Variants in KDM2B observed in about 807,000 individuals in gnomAD.
KDM2B encodes lysine-specific demethylase 2B.
A neutral mutation model predicts 150.0 loss-of-function variants in KDM2B; 26 were observed. The observed-to-expected ratio is 0.17, with a 90% CI of 0.13 to 0.24. The LOEUF (loss-of-function observed/expected upper bound fraction) is 0.24, where lower values mean the gene tolerates loss of function less well. Among genes scored for constraint, KDM2B ranks in the 10% least tolerant of loss-of-function variants. The pLI is 1.00. For missense variants in KDM2B, 1,265 were observed against 1,816.9 expected (o/e 0.70, Z 5.52); for synonymous variants, 734 against 729.5 (o/e 1.01, Z -0.10).
rs377623092 is a variant in KDM2B, at chr12:121,507,179, ACATGGGAGACCC to A, written c.1647+2376_1647+2387del. 3.1e-3 allele frequency among the ~76,000 whole-genome samples: 477 copies of A among 151,818 alleles called. 6 individuals are homozygous for A. The highest frequency in any genetic ancestry group is 0.011 in the African/African-American group (457 of 41,378). ...TTATACAAAAAAGACAGCGTGGGCAACATGGGAGACCCCATCTCTACAAAAATTACAAAAAAA... is the reference window on the plus strand; with the variant it reads ...TTATACAAAAAAGACAGCGTGGGCAACATCTCTACAAAAATTACAAAAAAA... On this transcript the variant is annotated intron_variant, in intron 11 of 22. Coordinates refer to ENST00000377071, the MANE Select transcript of KDM2B (RefSeq NM_032590.5).
upstream of KDM2B, among the ~76,000 whole-genome samples, chr12:121,581,997 G>C (rs80051852): frequency 4.9e-3 from 748 of 152,320 alleles, 8 homozygotes; most frequent in African/African-American, 0.017. Context: ...CTTTTAAGCA[G>C]GGATGAGGCT....
intron 6 of KDM2B, among the ~76,000 whole-genome samples, chr12:121,542,923 A>G (rs534393992): frequency 3.6e-4 from 55 of 152,364 alleles, no homozygotes; most frequent in Admixed American, 5.2e-4. Context: ...TACTACATAG[A>G]ATCATGTCTT....
rs1356387331 is a variant in KDM2B at position 121,521,165 on chromosome 12, G to A, written c.932-65C>T. 1 of 1,136,362 alleles carries A rather than the reference G, an allele frequency of 8.8e-7. No homozygotes were observed. The highest frequency in any genetic ancestry group is 1.2e-5 in the South Asian group (1 of 80,330). 70.4% of individuals were successfully genotyped at this position (1,136,362 alleles called of 1,614,324 possible). A position where few individuals can be genotyped will look rare whatever the true frequency, so the allele number is the denominator to read the frequency against. On this transcript the variant is annotated intron_variant, in intron 8 of 22. Coordinates refer to ENST00000377071, the MANE Select transcript of KDM2B (RefSeq NM_032590.5). The surrounding 1 kb of genome is among the most constrained non-coding windows in gnomAD (Gnocchi z 4.9). ...CCTGTGGGCTCCCACACCTCACAAG[G>A]CTGCAGGGAGGGAGAGCGAGCGTGC... is the stretch of plus-strand genomic sequence containing the variant.
At chr12:121,487,330 C>T (rs1555299078) in intron 12 of KDM2B, among the ~76,000 whole-genome samples, 1 of 152,062 alleles carries the variant, frequency 6.6e-6, no homozygotes, top group African/African-American at 2.4e-5. Context: ...TATGGACCTC[C>T]CAAGAATCTG....
intron 12 of KDM2B, among the ~76,000 whole-genome samples, chr12:121,460,200 T>C (rs547482511): frequency 6.6e-6 from 1 of 152,356 alleles, no homozygotes; most frequent in Non-Finnish European, 1.5e-5. Flanking sequence ...TGCTAAGTGC[T>C]AGAACTACAG....
chr12:121,435,159 C>T (rs2137636709), intron 22 of KDM2B, among the ~76,000 whole-genome samples: 1 of 152,028 alleles, frequency 6.6e-6, no homozygotes, highest in South Asian at 2.1e-4. Flanking sequence ...CATAGCGAGA[C>T]CCTGTCTCTA....
At chr12:121,524,203 A>G (rs1400412516) in intron 8 of KDM2B, among the ~76,000 whole-genome samples, 3 of 151,632 alleles carry the variant, frequency 2.0e-5, no homozygotes, top group Non-Finnish European at 4.4e-5. Flanking sequence ...TGTCCCCTCC[A>G]CTCCCCTCCC....
rs191865414 is a variant in KDM2B at position 121,520,873 on chromosome 12, G to C, written c.1047+112C>G. On this transcript the variant is annotated intron_variant, in intron 9 of 22. Coordinates refer to ENST00000377071, the MANE Select transcript of KDM2B (RefSeq NM_032590.5). The surrounding 1 kb of genome is among the most constrained non-coding windows in gnomAD (Gnocchi z 4.5). The stretch of plus-strand genomic sequence containing the variant: ...CTGAAGCCAGCTTGAGAGAGGAATC[G>C]GGAGGGAGAGGGGAACTGTGGAGGA... The C allele has an allele frequency of 3.0e-5, 20 of 662,642 alleles. No individual in the cohort carries two copies. The highest frequency in any genetic ancestry group is 2.5e-4 in the East Asian group (8 of 31,406). The allele number at this position is 662,642 out of a possible 1,614,324, so 41.0% of individuals were successfully genotyped here.
rs897110031 is a variant in KDM2B at position 121,537,636 on chromosome 12, C to A, written c.684-3046G>T. On this transcript the variant is annotated intron_variant, in intron 6 of 22. Transcript: ENST00000377071. This position sits in a 1 kb window ranked among gnomAD's most constrained non-coding sequence, Gnocchi z 8.7. Reference sequence around the variant, plus strand: ...CCTGGGGGCTGCGGAGGCGGGGCGGCCCCGCCCCACCTTTTTCCCTCCAAC... The same window carrying A: ...CCTGGGGGCTGCGGAGGCGGGGCGGACCCGCCCCACCTTTTTCCCTCCAAC... 3.0e-4 allele frequency: 46 copies of A among 151,368 alleles called. No homozygotes were observed. The highest frequency in any genetic ancestry group is 1.1e-3 in the African/African-American group (45 of 41,258). 9.4% of individuals were successfully genotyped at this position (151,368 alleles called of 1,614,324 possible).
At position 121,518,590 on chromosome 12, in the gene KDM2B, C is replaced by T. The variant is rs1555305404; in HGVS notation, c.1047+2395G>A. Among the ~76,000 whole-genome samples, 1 of 152,094 alleles carries T rather than the reference C, an allele frequency of 6.6e-6. No individual in the cohort carries two copies. The highest frequency in any genetic ancestry group is 2.1e-4 in the South Asian group (1 of 4,824). ...AAGCTCAGTGTGATGCTCAGGGGTC[C>T]GGCCAGCACCCTGCCAGTCGTCATG... On this transcript the variant is annotated intron_variant, in intron 9 of 22. Transcript: ENST00000377071. The surrounding 1 kb of genome is among the most constrained non-coding windows in gnomAD (Gnocchi z 4.4).
chr12:121,534,610 A>T lies in KDM2B; in HGVS notation c.684-20T>A. 1 of 1,577,312 alleles carries T rather than the reference A, an allele frequency of 6.3e-7. No homozygotes were observed. On this transcript the variant is annotated intron_variant, in intron 6 of 22. Coordinates refer to ENST00000377071, the MANE Select transcript of KDM2B (RefSeq NM_032590.5). ...CAGTACCTGCAACACAGAGGCAGGG[A>T]GACAGAACACAAGTCAAGATCTAAA...
At chr12:121,478,844 C>T (rs1881701665) in intron 12 of KDM2B, among the ~76,000 whole-genome samples, 1 of 77,226 alleles carries the variant, frequency 1.3e-5, no homozygotes, top group African/African-American at 5.0e-5. Context: ...CGTACCACCA[C>T]AACCGGCTAA....
At chr12:121,514,273 G>A (rs1049195512) in intron 9 of KDM2B, among the ~76,000 whole-genome samples, 1 of 152,060 alleles carries the variant, frequency 6.6e-6, no homozygotes, top group Admixed American at 6.5e-5. Context: ...GCACCACCAC[G>A]CCTGGCTGGG....
chr12:121,484,725 G>A (rs1378626878), intron 12 of KDM2B, among the ~76,000 whole-genome samples: 1 of 152,102 alleles, frequency 6.6e-6, no homozygotes, highest in Non-Finnish European at 1.5e-5. Flanking sequence ...GGCTGAGGTG[G>A]GAGGATCCCT....
chr12:121,573,812 C>T (rs896320584), intron 4 of KDM2B, among the ~76,000 whole-genome samples: 4 of 151,794 alleles, frequency 2.6e-5, no homozygotes, highest in Admixed American at 6.6e-5. Context: ...TGGTCTCGAT[C>T]TCCTGACCTC....
chr12:121,414,271 CATT>C, the KDM2B span, among the ~76,000 whole-genome samples: 1 of 152,260 alleles, frequency 6.6e-6, no homozygotes, highest in Non-Finnish European at 1.5e-5. Context: ...TTACCTATCA[CATT>C]ATCTAGATTC....
rs1288291937 is a variant in KDM2B, at chr12:121,496,859, A to C, written c.1648-2194T>G. ...GTGAGCCCCCCAAAGTGCTGGGATT[A>C]TAGGTGTGAGCCCCCCAAAGTGCTG... is the stretch of plus-strand genomic sequence containing the variant. On this transcript the variant is annotated intron_variant, in intron 11 of 22. Transcript: ENST00000377071. Among the ~76,000 whole-genome samples the C allele has an allele frequency of 2.1e-5, 3 of 142,336 alleles. No individual in the cohort carries two copies. In the South Asian group the frequency reaches 7.0e-4, roughly 33 times the overall value. 93.4% of individuals were successfully genotyped at this position (142,336 alleles called of 152,430 possible).
chr12:121,527,246 C>T (rs1256908954), intron 8 of KDM2B, among the ~76,000 whole-genome samples: 65 of 145,688 alleles, frequency 4.5e-4, no homozygotes, highest in African/African-American at 1.5e-3. Context: ...TTAGTAGAGA[C>T]GGGGTTTCAC....
intron 4 of KDM2B, among the ~76,000 whole-genome samples, chr12:121,572,157 C>T (rs553456369): frequency 5.9e-5 from 9 of 152,188 alleles, no homozygotes; most frequent in South Asian, 4.2e-4. Flanking sequence ...ATAATCACGC[C>T]GCTGCACTCT....
Sources: allele counts gnomAD v4.1 joint callset (sites outside exome capture counted in the v4.1 genomes callset), GRCh38; gene constraint gnomAD v4.1.1; non-coding constraint Gnocchi (gnomAD v3.1); transcripts MANE v1.5; gene names NCBI Gene and HGNC (gene_info 2026-07-23, HGNC 2026-07-21).